Variants in NRG3 observed in about 807,000 individuals in gnomAD.
The protein encoded by NRG3 is neuregulin 3.
In NRG3, 31 loss-of-function variants were observed where a neutral mutation model predicts 66.9. The ratio of observed to expected loss-of-function variants is 0.46; its 90% CI spans 0.35 to 0.63. The LOEUF is 0.63. NRG3 is among the 20% of genes least tolerant of loss of function. NRG3 has a pLI of 0.00. For missense variants in NRG3, 910 were observed against 878.9 expected, an observed-to-expected ratio of 1.04 and a Z score of -0.45; for synonymous variants, 393 against 359.4, an observed-to-expected ratio of 1.09 and a Z score of -1.06.
chr10:81,929,121 G>A (rs185910632), intron 1 of NRG3, among the ~76,000 whole-genome samples: 1 of 152,130 alleles, frequency 6.6e-6, no homozygotes, highest in East Asian at 1.9e-4. Flanking sequence ...GCCACCACAG[G>A]GCTGAGTCAC....
At chr10:82,156,713 A>T (rs1352546986) in intron 1 of NRG3, among the ~76,000 whole-genome samples, 1 of 151,658 alleles carries the variant, frequency 6.6e-6, no homozygotes, top group African/African-American at 2.4e-5. Context: ...TTGAAGGAAG[A>T]TCCATGGAGT....
chr10:82,572,668 C>T (rs1404232516), intron 2 of NRG3, among the ~76,000 whole-genome samples: 1 of 151,114 alleles, frequency 6.6e-6, no homozygotes, highest in Non-Finnish European at 1.5e-5. Context: ...ATTCCTCTTT[C>T]TTTTCTACTT....
chr10:82,466,010 A>G (rs546368341), intron 2 of NRG3, among the ~76,000 whole-genome samples: 1 of 152,244 alleles, frequency 6.6e-6, no homozygotes, highest in Non-Finnish European at 1.5e-5. Context: ...CCAGGCACTC[A>G]TGCCTGTTTA....
chr10:82,755,324 G>A (rs1699955792), intron 3 of NRG3, among the ~76,000 whole-genome samples: 1 of 152,144 alleles, frequency 6.6e-6, no homozygotes. Flanking sequence ...CTTTCTTCCT[G>A]CAGTAATCTC....
chr10:82,797,751 A>C (rs1175028280), intron 3 of NRG3, among the ~76,000 whole-genome samples: 2 of 152,108 alleles, frequency 1.3e-5, no homozygotes, highest in African/African-American at 4.8e-5. Flanking sequence ...TGATGTTGTC[A>C]AACTGATCTC....
At chr10:82,318,594 C>A (rs967870131) in intron 1 of NRG3, among the ~76,000 whole-genome samples, 1 of 152,186 alleles carries the variant, frequency 6.6e-6, no homozygotes, top group Non-Finnish European at 1.5e-5. Flanking sequence ...CCTCCTCATG[C>A]ATGACTTGTG....
At chr10:82,966,268 T>A (rs1332066092) in intron 6 of NRG3, among the ~76,000 whole-genome samples, 1 of 152,198 alleles carries the variant, frequency 6.6e-6, no homozygotes, top group Non-Finnish European at 1.5e-5. Flanking sequence ...CATCTAATAT[T>A]CATGTCTCCT....
intron 2 of NRG3, among the ~76,000 whole-genome samples, chr10:82,471,899 A>AG (rs1841304475): frequency 6.6e-6 from 1 of 151,928 alleles, no homozygotes; most frequent in Non-Finnish European, 1.5e-5. Context: ...CGAAAAAAAA[A>AG]AAAATCAAGG....
intron 2 of NRG3, among the ~76,000 whole-genome samples, chr10:82,654,557 G>C (rs2051694394): frequency 6.6e-6 from 1 of 152,174 alleles, no homozygotes; most frequent in African/African-American, 2.4e-5. Flanking sequence ...TTCTAAATGT[G>C]TGCACAGCAC....
At position 82,035,006 on chromosome 10, in the gene NRG3, G is replaced by T. The variant is rs1056706670; in HGVS notation, c.823+158843G>T. Reference sequence around the variant, plus strand: ...TTTCTCTAAAGAACAGACTTAAAGTGAATATAGTTTACTCCGTGCTGTTCA... The same window carrying T: ...TTTCTCTAAAGAACAGACTTAAAGTTAATATAGTTTACTCCGTGCTGTTCA... On this transcript the variant is annotated intron_variant, in intron 1 of 8. Coordinates refer to ENST00000372141, the MANE Select transcript of NRG3 (RefSeq NM_001010848.4). Among the ~76,000 whole-genome samples the T allele has an allele frequency of 5.9e-5, 9 of 152,070 alleles. 1 individual carries two copies. Among genetic ancestry groups the T allele is most frequent in the Non-Finnish European group, 8.8e-5 (6 of 68,006 alleles).
chr10:82,762,932 T>C (rs967236623), intron 3 of NRG3, among the ~76,000 whole-genome samples: 1 of 152,234 alleles, frequency 6.6e-6, no homozygotes, highest in African/African-American at 2.4e-5. Flanking sequence ...TTAATGCTGT[T>C]ATTGTCCATC....
chr10:82,230,464 T>C (rs1229838580), intron 1 of NRG3: 2 of 152,058 alleles, frequency 1.3e-5, no homozygotes, highest in Non-Finnish European at 2.9e-5. Context: ...TTCCAGTGTT[T>C]TCAGGAAAAG....
chr10:82,956,184 C>T (rs1032218071), intron 5 of NRG3, among the ~76,000 whole-genome samples: 6 of 151,994 alleles, frequency 3.9e-5, no homozygotes, highest in Non-Finnish European at 7.3e-5. Context: ...TACTATTCTG[C>T]AACTTACATC....
chr10:82,521,276 G>A lies in NRG3; in HGVS notation c.953+162408G>A, dbSNP rs190337739. Among the ~76,000 whole-genome samples, 7 of 152,276 alleles carry A rather than the reference G, an allele frequency of 4.6e-5. No homozygotes were observed. In the East Asian group the frequency reaches 1.4e-3, roughly 29 times the overall value. ...AGTCCTAATCTCTTTGCTGGTGGAAGGTCTTGCCTCGATGTTGATGGCTGG... is the reference window on the plus strand; with the variant it reads ...AGTCCTAATCTCTTTGCTGGTGGAAAGTCTTGCCTCGATGTTGATGGCTGG... On this transcript the variant is annotated intron_variant, in intron 2 of 8. Coordinates refer to ENST00000372141, the MANE Select transcript of NRG3 (RefSeq NM_001010848.4).
At chr10:82,827,144 C>T in intron 3 of NRG3, 1 of 321,730 alleles carries the variant, frequency 3.1e-6, no homozygotes. Context: ...TTTTATTATA[C>T]TCAAATGAAC....
chr10:82,139,554 C>T (rs1372323601), intron 1 of NRG3, among the ~76,000 whole-genome samples: 2 of 152,148 alleles, frequency 1.3e-5, no homozygotes, highest in Non-Finnish European at 2.9e-5. Flanking sequence ...AATCTGAAAA[C>T]TACATTATTG....
intron 1 of NRG3, among the ~76,000 whole-genome samples, chr10:81,957,670 G>A (rs954594737): frequency 1.3e-5 from 2 of 152,186 alleles, no homozygotes; most frequent in African/African-American, 4.8e-5. Flanking sequence ...CTTCTGGATA[G>A]GAGCAATTAC....
At chr10:82,235,154 C>A (rs1254479451) in intron 1 of NRG3, among the ~76,000 whole-genome samples, 2 of 152,206 alleles carry the variant, frequency 1.3e-5, no homozygotes, top group African/African-American at 4.8e-5. Flanking sequence ...CCAGATCCAG[C>A]CTGCCAGTTG....
chr10:82,684,302 A>C (rs1309387488), intron 2 of NRG3, among the ~76,000 whole-genome samples: 1 of 152,188 alleles, frequency 6.6e-6, no homozygotes, highest in Non-Finnish European at 1.5e-5. Flanking sequence ...TTTCTTTCAA[A>C]AGTGATGGCA....
Sources: gnomAD v4.1 joint callset for allele counts (sites outside exome capture counted in the v4.1 genomes callset) on GRCh38, gnomAD v4.1.1 for gene constraint, MANE v1.5 for transcripts, NCBI Gene and HGNC (gene_info 2026-07-23, HGNC 2026-07-21) for gene names.